LARGE1: variants seen among roughly 807,000 people sequenced by gnomAD.
LARGE1 encodes the protein LARGE xylosyl- and glucuronyltransferase 1, also known as xylosyl- and glucuronyltransferase LARGE1.
Under a neutral mutation model 87.6 loss-of-function variants are expected in LARGE1, and 43 were observed. The ratio of observed to expected loss-of-function variants is 0.49; its 90% CI spans 0.38 to 0.63. The LOEUF (loss-of-function observed/expected upper bound fraction) is 0.63, where lower values mean the gene tolerates loss of function less well. Among genes scored for constraint, LARGE1 ranks in the 30% least tolerant of loss-of-function variants. LARGE1 has a pLI of 0.00. For missense variants in LARGE1, 802 were observed against 1,000.2 expected (o/e 0.80, Z 2.67); for synonymous variants, 434 against 394.6 (o/e 1.10, Z -1.18).
chr22:33,890,925 C>T (rs1404490097), intron 1 of LARGE1, among the ~76,000 whole-genome samples: 1 of 152,112 alleles, frequency 6.6e-6, no homozygotes, highest in Admixed American at 6.6e-5. Flanking sequence ...AGATTTACTG[C>T]CCTAGCGCCA....
chr22:33,518,370 G>A (rs2071408926), intron 6 of LARGE1, among the ~76,000 whole-genome samples: 1 of 152,250 alleles, frequency 6.6e-6, no homozygotes, highest in African/African-American at 2.4e-5. Flanking sequence ...CTAGGCTGGA[G>A]TGCAGTGACA....
the LARGE1 span, among the ~76,000 whole-genome samples, chr22:33,113,205 C>CTTTTTT: frequency 2.4e-5 from 3 of 127,388 alleles, no homozygotes; most frequent in Non-Finnish European, 3.3e-5. Context: ...ACTTAATTAT[C>CTTTTTT]TTTTTTTTTT....
chr22:33,685,500 T>C (rs28380261), intron 2 of LARGE1, among the ~76,000 whole-genome samples: 2 of 152,206 alleles, frequency 1.3e-5, no homozygotes. Context: ...ACAAGAATAA[T>C]GGCATCTGAA....
At chr22:33,589,154 A>G (rs1021785906) in intron 5 of LARGE1, among the ~76,000 whole-genome samples, 6 of 152,226 alleles carry the variant, frequency 3.9e-5, no homozygotes, top group South Asian at 2.1e-4. Context: ...GCCCACGGCT[A>G]GGCTGCAGGG....
chr22:33,782,166 C>T (rs1896126949), intron 1 of LARGE1, among the ~76,000 whole-genome samples: 1 of 152,090 alleles, frequency 6.6e-6, no homozygotes, highest in Admixed American at 6.5e-5. Context: ...TTGTTTTATC[C>T]TCCTCCTCCT....
At chr22:33,585,476 T>G (rs2078644641) in intron 5 of LARGE1, among the ~76,000 whole-genome samples, 1 of 152,142 alleles carries the variant, frequency 6.6e-6, no homozygotes, top group South Asian at 2.1e-4. Flanking sequence ...CTAGGAAATC[T>G]GGGGGAGAAG....
chr22:33,233,498 T>C (rs1017170387), intron 11 of LARGE1, among the ~76,000 whole-genome samples: 3 of 152,168 alleles, frequency 2.0e-5, no homozygotes, highest in Non-Finnish European at 4.4e-5. Context: ...CCTTCCTTCC[T>C]TGTTTTTAGT....
intron 1 of LARGE1, among the ~76,000 whole-genome samples, chr22:33,853,377 C>T (rs774129667): frequency 1.3e-5 from 2 of 152,176 alleles, no homozygotes; most frequent in Non-Finnish European, 1.5e-5. Flanking sequence ...TGTATCCATG[C>T]CAACTTGCAA....
chr22:33,099,081 C>G, the LARGE1 span, among the ~76,000 whole-genome samples: 3 of 152,166 alleles, frequency 2.0e-5, no homozygotes, highest in Non-Finnish European at 4.4e-5. Context: ...CTCTGTTTCT[C>G]TCCTCTTAAT....
the LARGE1 span, among the ~76,000 whole-genome samples, chr22:33,135,073 A>G: frequency 6.6e-6 from 1 of 152,366 alleles, no homozygotes; most frequent in South Asian, 2.1e-4. Flanking sequence ...AACTGGGCAA[A>G]TAACAGATTA....
chr22:33,249,830 C>G (rs7287551), intron 11 of LARGE1, among the ~76,000 whole-genome samples: 84,370 of 152,004 alleles, frequency 0.56, 25,794 homozygotes, highest in Non-Finnish European at 0.68. Context: ...GCTCCTTTGT[C>G]AAAGATCAGC....
At chr22:33,459,066 A>G (rs868720894) in intron 6 of LARGE1, among the ~76,000 whole-genome samples, 2 of 151,908 alleles carry the variant, frequency 1.3e-5, no homozygotes, top group Admixed American at 6.6e-5. Context: ...GCAGGTTTGT[A>G]TATATGTGCC....
downstream of LARGE1, among the ~76,000 whole-genome samples, chr22:33,267,586 G>T (rs1481354602): frequency 6.6e-6 from 1 of 151,326 alleles, no homozygotes; most frequent in Non-Finnish European, 1.5e-5. Flanking sequence ...GGATTCGGGG[G>T]TCTGAGAGTG....
chr22:33,240,903 A>G (rs943131964), intron 11 of LARGE1, among the ~76,000 whole-genome samples: 2 of 152,110 alleles, frequency 1.3e-5, no homozygotes, highest in African/African-American at 2.4e-5. Flanking sequence ...CTTTGCATCA[A>G]TACTATTTCT....
At position 33,272,659 on chromosome 22, in the gene LARGE1, G is replaced by A. The variant is rs1311532045; in HGVS notation, c.*1768C>T. On this transcript the variant is annotated 3_prime_UTR_variant, in exon 15 of 15. Transcript: ENST00000397394. The stretch of plus-strand genomic sequence containing the variant: ...GATCTATGCAAAAATTAGTCCTAAT[G>A]GTAATTTTCCTAATTCTTGTATAAA... Among the ~76,000 whole-genome samples, 5 of 152,102 alleles carry A rather than the reference G, an allele frequency of 3.3e-5. No individual in the cohort carries two copies. The highest frequency in any genetic ancestry group is 4.8e-5 in the African/African-American group (2 of 41,394).
At chr22:33,490,038 T>C (rs2069761256) in intron 6 of LARGE1, among the ~76,000 whole-genome samples, 1 of 152,214 alleles carries the variant, frequency 6.6e-6, no homozygotes, top group Non-Finnish European at 1.5e-5. Flanking sequence ...TTCTCCTCCT[T>C]TTCCAACTCC....
chr22:33,184,937 G>A (rs1262748884), intron 11 of LARGE1, among the ~76,000 whole-genome samples: 1 of 152,060 alleles, frequency 6.6e-6, no homozygotes, highest in Non-Finnish European at 1.5e-5. Context: ...GAAGCAACGG[G>A]AACTATTACT....
chr22:33,636,289 G>A (rs552862854), intron 3 of LARGE1, among the ~76,000 whole-genome samples: 115 of 152,222 alleles, frequency 7.6e-4, no homozygotes, highest in Middle Eastern at 3.4e-3. Context: ...GGGGGCCTCT[G>A]GAAGACTGGC....
chr22:33,316,511 C>A (rs767441199), intron 10 of LARGE1, among the ~76,000 whole-genome samples: 1 of 151,752 alleles, frequency 6.6e-6, no homozygotes, highest in Non-Finnish European at 1.5e-5. Context: ...GAGGCCAAGG[C>A]GAGCAGATCG....
Sources: allele counts gnomAD v4.1 joint callset (sites outside exome capture counted in the v4.1 genomes callset), GRCh38; gene constraint gnomAD v4.1.1; transcripts MANE v1.5; gene names NCBI Gene and HGNC (gene_info 2026-07-23, HGNC 2026-07-21).